Variants in CADM2 observed in about 807,000 individuals in gnomAD.
The protein encoded by CADM2 is cell adhesion molecule 2.
A neutral mutation model predicts 49.8 loss-of-function variants in CADM2; 12 were observed. The ratio of observed to expected loss-of-function variants is 0.24; its 90% CI spans 0.15 to 0.39. The LOEUF is 0.39. CADM2 is among the 10% of genes least tolerant of loss of function. The probability of loss-of-function intolerance (pLI) is 1.00; values close to 1 mark genes in which losing one functional copy is unlikely to be tolerated. For synonymous variants in CADM2, 214 were observed against 175.4 expected, an observed-to-expected ratio of 1.22 and a Z score of -1.74; for missense variants, 378 against 492.3, an observed-to-expected ratio of 0.77 and a Z score of 2.20.
intron 8 of CADM2, among the ~76,000 whole-genome samples, chr3:85,990,920 G>C (rs942995061): frequency 3.3e-5 from 5 of 152,166 alleles, no homozygotes; most frequent in Admixed American, 1.3e-4. Context: ...ATGCCATTTT[G>C]TCATAAGGAT....
At chr3:85,596,483 A>T (rs532183112) in intron 1 of CADM2, among the ~76,000 whole-genome samples, 1 of 152,132 alleles carries the variant, frequency 6.6e-6, no homozygotes, top group Non-Finnish European at 1.5e-5. Context: ...ATGGTGACTG[A>T]TATTTTAAAA....
chr3:85,066,584 ATGTAT>A (rs1348504353), intron 1 of CADM2, among the ~76,000 whole-genome samples: 2 of 152,024 alleles, frequency 1.3e-5, no homozygotes, highest in Non-Finnish European at 2.9e-5. Flanking sequence ...ATGGATAAGT[ATGTAT>A]CATCACCAGG....
chr3:86,010,176 A>C (rs532241355), intron 8 of CADM2, among the ~76,000 whole-genome samples: 2 of 152,098 alleles, frequency 1.3e-5, no homozygotes, highest in Admixed American at 1.3e-4. Flanking sequence ...TATTGGAAAA[A>C]CATATAGGGA....
At chr3:85,995,899 C>G (rs964701340) in intron 8 of CADM2, among the ~76,000 whole-genome samples, 1 of 151,868 alleles carries the variant, frequency 6.6e-6, no homozygotes, top group Non-Finnish European at 1.5e-5. Context: ...ACCGTCCTGG[C>G]TAACCAGGTG....
intron 1 of CADM2, among the ~76,000 whole-genome samples, chr3:85,030,995 AC>A (rs1269647819): frequency 2.1e-4 from 32 of 152,298 alleles, no homozygotes; most frequent in Non-Finnish European, 4.4e-5. Context: ...GTGAAGTACT[AC>A]AGACCAGTAA....
chr3:85,941,484 AAAT>A (rs1360842557), intron 7 of CADM2, among the ~76,000 whole-genome samples: 4 of 152,092 alleles, frequency 2.6e-5, no homozygotes, highest in Non-Finnish European at 4.4e-5. Context: ...ATTTGAAGTT[AAAT>A]AATAATAGTT....
chr3:85,527,167 C>G (rs187734079), intron 1 of CADM2, among the ~76,000 whole-genome samples: 2 of 152,048 alleles, frequency 1.3e-5, no homozygotes, highest in Admixed American at 1.3e-4. Flanking sequence ...AGTAGGATAG[C>G]TTGCAGTGAG....
At chr3:85,940,529 A>T (rs1455279987) in intron 7 of CADM2, among the ~76,000 whole-genome samples, 1 of 152,266 alleles carries the variant, frequency 6.6e-6, no homozygotes, top group South Asian at 2.1e-4. Context: ...CCAAAATAAG[A>T]TAAAATATGT....
intron 1 of CADM2, among the ~76,000 whole-genome samples, chr3:85,411,338 G>A (rs544424625): frequency 5.9e-5 from 9 of 152,234 alleles, no homozygotes; most frequent in Middle Eastern, 3.4e-3. Context: ...CAAACCTTGT[G>A]CACTTCACCT....
chr3:84,962,007 T>G (rs1206049218), intron 1 of CADM2, among the ~76,000 whole-genome samples: 1 of 151,934 alleles, frequency 6.6e-6, no homozygotes, highest in East Asian at 1.9e-4. Context: ...TCTCTTTTAT[T>G]GAGTATGTAA....
chr3:85,320,596 C>T (rs1056953304), intron 1 of CADM2, among the ~76,000 whole-genome samples: 16 of 152,092 alleles, frequency 1.1e-4, no homozygotes, highest in Non-Finnish European at 2.1e-4. Context: ...TCACTTTGCT[C>T]TCTCCAATTT....
intron 1 of CADM2, among the ~76,000 whole-genome samples, chr3:84,998,421 T>C (rs542315660): frequency 1.3e-5 from 2 of 152,278 alleles, no homozygotes; most frequent in South Asian, 4.1e-4. Context: ...TTTTAATGCC[T>C]GAAGTACCCC....
At chr3:85,031,127 G>T (rs1221543933) in intron 1 of CADM2, among the ~76,000 whole-genome samples, 2 of 152,144 alleles carry the variant, frequency 1.3e-5, no homozygotes, top group African/African-American at 4.8e-5. Context: ...GTGATCTGAG[G>T]TTGATAGATT....
chr3:85,802,466 C>A (rs2072110347), intron 3 of CADM2, among the ~76,000 whole-genome samples: 2 of 151,978 alleles, frequency 1.3e-5, no homozygotes, highest in Admixed American at 6.6e-5. Context: ...TGTCTAGGTA[C>A]CATATTTTCT....
intron 1 of CADM2, among the ~76,000 whole-genome samples, chr3:85,300,590 G>A (rs768322061): frequency 6.6e-6 from 1 of 152,056 alleles, no homozygotes; most frequent in Non-Finnish European, 1.5e-5. Flanking sequence ...ACTAATCAGT[G>A]TCGGGGAATG....
chr3:85,122,563 T>C (rs1183897684), intron 1 of CADM2, among the ~76,000 whole-genome samples: 1 of 152,164 alleles, frequency 6.6e-6, no homozygotes. Context: ...GTTTTAGGTA[T>C]GAACCATGAT....
At chr3:85,302,489 A>C (rs1399741754) in intron 1 of CADM2, among the ~76,000 whole-genome samples, 2 of 152,060 alleles carry the variant, frequency 1.3e-5, no homozygotes, top group African/African-American at 4.8e-5. Flanking sequence ...ATGTTTCCCT[A>C]CATATTCTCT....
At chr3:85,105,567 C>G (rs577194887) in intron 1 of CADM2, among the ~76,000 whole-genome samples, 2 of 152,210 alleles carry the variant, frequency 1.3e-5, no homozygotes, top group East Asian at 3.9e-4. Context: ...CTAGAAATAC[C>G]ATTTGACCCA....
At chr3:85,335,800 A>G (rs908761273) in intron 1 of CADM2, among the ~76,000 whole-genome samples, 1 of 151,434 alleles carries the variant, frequency 6.6e-6, no homozygotes, top group Middle Eastern at 3.2e-3. Context: ...TTACCCAACT[A>G]TCTGGTACAT....
Sources: gnomAD v4.1 joint callset for allele counts (sites outside exome capture counted in the v4.1 genomes callset) on GRCh38, gnomAD v4.1.1 for gene constraint, MANE v1.5 for transcripts, NCBI Gene and HGNC (gene_info 2026-07-23, HGNC 2026-07-21) for gene names.